RARB: variants seen among roughly 807,000 people sequenced by gnomAD.
The protein encoded by RARB is HBV-activated protein.
Under a neutral mutation model 51.9 loss-of-function variants are expected in RARB, and 17 were observed. The observed-to-expected ratio is 0.33, with a 90% confidence interval of 0.22 to 0.49. The LOEUF is 0.49. Among genes scored for constraint, RARB ranks in the 20% least tolerant of loss-of-function variants. RARB has a pLI of 0.99. For synonymous variants in RARB, 215 were observed against 195.4 expected, an observed-to-expected ratio of 1.10 and a Z score of -0.84; for missense variants, 369 against 550.8, an observed-to-expected ratio of 0.67 and a Z score of 3.30.
At chr3:25,195,137 G>A (rs1049092573) in intron 5 of RARB, among the ~76,000 whole-genome samples, 5 of 151,954 alleles carry the variant, frequency 3.3e-5, no homozygotes, top group Admixed American at 6.6e-5. Flanking sequence ...TCATACTGCT[G>A]AAATCCCATC....
chr3:25,081,622 T>TA (rs57232858), intron 3 of RARB, among the ~76,000 whole-genome samples: 48 of 8,096 alleles, frequency 5.9e-3, no homozygotes, highest in Admixed American at 7.7e-3. Context: ...TATATATATA[T>TA]TTTTTTTTTT....
chr3:25,387,282 T>C (rs1483580860), intron 5 of RARB, among the ~76,000 whole-genome samples: 1 of 152,084 alleles, frequency 6.6e-6, no homozygotes, highest in African/African-American at 2.4e-5. Flanking sequence ...TTTGGGAGAA[T>C]GAGGATCCGG....
At chr3:25,115,652 C>A (rs900996263) in intron 3 of RARB, among the ~76,000 whole-genome samples, 1 of 119,942 alleles carries the variant, frequency 8.3e-6, no homozygotes, top group Non-Finnish European at 1.8e-5. Flanking sequence ...TTCTTTCTTT[C>A]TTTTTCCTTT....
At chr3:25,293,597 T>TAAAAAAAAAAAAGAAAAAA (rs1703841520) in intron 5 of RARB, among the ~76,000 whole-genome samples, 1 of 68,660 alleles carries the variant, frequency 1.5e-5, no homozygotes, top group Non-Finnish European at 3.1e-5. Context: ...TTACTCCATT[T>TAAAAAAAAAAAAGAAAAAA]AAAAAAAAAA....
rs138389529 is a variant in RARB, at chr3:25,163,504, AATATATATATATAT to A, written c.-279-10594_-279-10581del. 6.8e-3 allele frequency among the ~76,000 whole-genome samples: 887 copies of A among 131,122 alleles called. 35 individuals carry two copies. Among genetic ancestry groups the A allele is most frequent in the African/African-American group, 0.027 (841 of 31,188 alleles). The allele number at this position is 131,122 out of a possible 152,430, so 86.0% of individuals were successfully genotyped here. A position where few individuals can be genotyped will look rare whatever the true frequency, so the allele number is the denominator to read the frequency against. On this transcript the variant is annotated intron_variant, in intron 4 of 11. Transcript: ENST00000383772. ...TGAGCAGAATAAGACCCTATCTCAA[AATATATATATATAT>A]ATATATATATATATATATATTTGTT...
intron 3 of RARB, among the ~76,000 whole-genome samples, chr3:25,068,552 C>T (rs1698709073): frequency 6.6e-6 from 1 of 152,168 alleles, no homozygotes; most frequent in Non-Finnish European, 1.5e-5. Flanking sequence ...TGGTTAATGA[C>T]ATCAAGAAAA....
chr3:24,841,030 GGA>G (rs1460599157), intron 1 of RARB, among the ~76,000 whole-genome samples: 1 of 152,250 alleles, frequency 6.6e-6, no homozygotes, highest in Non-Finnish European at 1.5e-5. Flanking sequence ...GCAGTTGTGT[GGA>G]GAGAGAGTAC....
chr3:25,323,893 A>T lies in RARB; in HGVS notation c.179-137300A>T, dbSNP rs909783694. Among the ~76,000 whole-genome samples the T allele has an allele frequency of 4.6e-5, 7 of 152,344 alleles. No individual in the cohort carries two copies. In the South Asian group the frequency reaches 1.4e-3, roughly 32 times the overall value. On this transcript the variant is annotated intron_variant, in intron 5 of 11. Transcript: ENST00000383772. ...AAGTTTATCTCCCTTCTTAAACACC[A>T]TTCACATTCTAGTACCTCAATATTA... is the stretch of plus-strand genomic sequence containing the variant.
intron 3 of RARB, among the ~76,000 whole-genome samples, chr3:25,505,724 G>A (rs1281666880): frequency 6.6e-6 from 1 of 152,148 alleles, no homozygotes; most frequent in Admixed American, 6.6e-5. Flanking sequence ...AATAGTTTAT[G>A]AAGAATTGGA....
intron 5 of RARB, among the ~76,000 whole-genome samples, chr3:25,333,831 G>GA (rs1315042248): frequency 6.6e-6 from 1 of 152,152 alleles, no homozygotes; most frequent in Non-Finnish European, 1.5e-5. Flanking sequence ...GGATTTACAA[G>GA]AAAAAATGAA....
At chr3:25,324,545 G>T (rs1266256170) in intron 5 of RARB, 2 of 161,736 alleles carry the variant, frequency 1.2e-5, no homozygotes, top group East Asian at 1.9e-4. Flanking sequence ...AGAAGAAGCT[G>T]ACGGGGATCA....
chr3:25,238,953 G>A lies in RARB; in HGVS notation c.178+64378G>A, dbSNP rs113397720. 1.3e-4 allele frequency among the ~76,000 whole-genome samples: 19 copies of A among 150,740 alleles called. 1 individual carries two copies. The highest frequency in any genetic ancestry group is 2.7e-4 in the African/African-American group (11 of 40,382). ...GAGATCACACCACTGCACTCCAGCCGGGGCAGCAGAGCAAGACTGTGTCTC... is the reference window on the plus strand; with the variant it reads ...GAGATCACACCACTGCACTCCAGCCAGGGCAGCAGAGCAAGACTGTGTCTC... On this transcript the variant is annotated intron_variant, in intron 5 of 11. Coordinates refer to the RARB transcript ENST00000383772.
chr3:25,427,070 G>T (rs1477760509), upstream of RARB, among the ~76,000 whole-genome samples: 1 of 152,174 alleles, frequency 6.6e-6, no homozygotes, highest in Non-Finnish European at 1.5e-5. Flanking sequence ...TTAATTATGT[G>T]GTGGGATGTG....
At chr3:24,912,048 G>A (rs911407628) in intron 2 of RARB, among the ~76,000 whole-genome samples, 2 of 152,158 alleles carry the variant, frequency 1.3e-5, no homozygotes, top group Non-Finnish European at 2.9e-5. Flanking sequence ...CATTTTTAGC[G>A]ACATTTACTT....
chr3:25,197,375 T>C (rs371307430), intron 5 of RARB, among the ~76,000 whole-genome samples: 149 of 152,282 alleles, frequency 9.8e-4, no homozygotes, highest in African/African-American at 3.5e-3. Context: ...CAGATGGTTG[T>C]AGATGTGTGG....
chr3:25,288,191 C>T (rs1703702405), intron 5 of RARB, among the ~76,000 whole-genome samples: 1 of 152,046 alleles, frequency 6.6e-6, no homozygotes, highest in Non-Finnish European at 1.5e-5. Flanking sequence ...ATAGGTGATA[C>T]CACATTTAGC....
At chr3:25,569,989 C>T in intron 4 of RARB, 71 bp downstream of exon 4, 1 of 741,440 alleles carries the variant, frequency 1.3e-6, no homozygotes, top group Non-Finnish European at 1.8e-6. Flanking sequence ...CAGACACACA[C>T]ACACACACAC....
chr3:25,174,600 C>G, intron 5 of RARB: 2 of 1,351,242 alleles, frequency 1.5e-6, no homozygotes, highest in Non-Finnish European at 2.0e-6. Flanking sequence ...AATTTGCTCT[C>G]TTTTCTCTGG....
intron 5 of RARB, among the ~76,000 whole-genome samples, chr3:25,247,292 G>A (rs1702586775): frequency 6.6e-6 from 1 of 152,204 alleles, no homozygotes; most frequent in African/African-American, 2.4e-5. Flanking sequence ...ATGACCACTA[G>A]TATCACTGTC....
Sources: gnomAD v4.1 joint callset for allele counts (sites outside exome capture counted in the v4.1 genomes callset) on GRCh38, gnomAD v4.1.1 for gene constraint, MANE v1.5 for transcripts, NCBI Gene and HGNC (gene_info 2026-07-23, HGNC 2026-07-21) for gene names.